Variants in SLC35D1 observed in about 807,000 individuals in gnomAD.
The protein encoded by SLC35D1 is solute carrier family 35 member D1, also known as nucleotide sugar transporter SLC35D1.
SLC35D1 carries 31 observed loss-of-function variants against 46.7 expected under a neutral mutation model. That is an observed-to-expected ratio of 0.66 (90% CI 0.50 to 0.90). The LOEUF is 0.90. SLC35D1 is among the 40% of genes least tolerant of loss of function. The probability of loss-of-function intolerance (pLI) is 0.00; values close to 1 mark genes in which losing one functional copy is unlikely to be tolerated. For missense variants in SLC35D1, 397 were observed against 426.2 expected (o/e 0.93, Z 0.60); for synonymous variants, 195 against 164.6 (o/e 1.18, Z -1.41).
chr1:66,987,828 C>T, the SLC35D1 span: 1 of 152,106 alleles, frequency 6.6e-6, no homozygotes. Flanking sequence ...TTCAGTGGTT[C>T]TTGGTCCCCT....
intron 11 of SLC35D1, among the ~76,000 whole-genome samples, chr1:67,008,191 T>G (rs148693544): frequency 2.6e-5 from 4 of 152,148 alleles, no homozygotes; most frequent in African/African-American, 4.8e-5. Context: ...CAGGCTGGAG[T>G]GCAGCGGCGC....
rs569279392 is a variant in SLC35D1 at position 67,053,930 on chromosome 1, C to G, written c.84G>C (p.Glu28Asp). 5.0e-6 allele frequency: 8 copies of G among 1,613,802 alleles called. No individual in the cohort carries two copies. In the Admixed American group the frequency reaches 1.3e-4, roughly 27 times the overall value. Reference sequence around the variant, plus strand: ...GCGTTTCGGCCGACGCCATCCCCAGCTCCTCCTCATCTCGGAGTGTGGAGG... The same window carrying G: ...GCGTTTCGGCCGACGCCATCCCCAGGTCCTCCTCATCTCGGAGTGTGGAGG... ...AKSSTLRDEEELGMASAETLT... is the reference protein window; with the variant it reads ...AKSSTLRDEEDLGMASAETLT... The change falls in exon 1 of 12, where the codon GAG (glutamate) becomes GAC (aspartate). Residue 28 changes from glutamate to aspartate, a missense_variant. Coordinates refer to ENST00000235345, the MANE Select transcript of SLC35D1 (RefSeq NM_015139.3).
chr1:67,042,202 C>A (rs375942356), intron 8 of SLC35D1, 34 bp downstream of exon 8: 1 of 1,533,314 alleles, frequency 6.5e-7, no homozygotes, highest in Non-Finnish European at 9.0e-7. Flanking sequence ...AGTTCATCAA[C>A]GTAAGCCATT....
At chr1:67,016,447 C>G (rs569499912) in intron 10 of SLC35D1, among the ~76,000 whole-genome samples, 1 of 151,986 alleles carries the variant, frequency 6.6e-6, no homozygotes, top group African/African-American at 2.4e-5. Context: ...GACCATTAGA[C>G]TAGGTAAAAA....
chr1:67,015,695 C>A (rs922679127), intron 10 of SLC35D1, among the ~76,000 whole-genome samples: 1 of 152,046 alleles, frequency 6.6e-6, no homozygotes, highest in African/African-American at 2.4e-5. Flanking sequence ...AGGCAGTTTT[C>A]TCTTTCAAAC....
intron 8 of SLC35D1, among the ~76,000 whole-genome samples, chr1:67,031,484 A>C (rs1244537392): frequency 6.6e-6 from 1 of 152,214 alleles, no homozygotes; most frequent in South Asian, 2.1e-4. Flanking sequence ...AACTTTTCCA[A>C]AATTATCTAG....
At chr1:66,979,744 CTT>C in the SLC35D1 span, among the ~76,000 whole-genome samples, 19 of 150,022 alleles carry the variant, frequency 1.3e-4, no homozygotes, top group South Asian at 1.3e-3. Flanking sequence ...GATATCAACT[CTT>C]GTTTCCTTTG....
At chr1:66,987,724 T>C in the SLC35D1 span, 1 of 146,686 alleles carries the variant, frequency 6.8e-6, no homozygotes, top group Non-Finnish European at 1.5e-5. Flanking sequence ...AAGATTTTAT[T>C]AGAGATTGTT....
intron 8 of SLC35D1, among the ~76,000 whole-genome samples, chr1:67,033,301 C>A (rs930739614): frequency 6.6e-6 from 1 of 152,196 alleles, no homozygotes. Context: ...GAGGAACCTC[C>A]AAACTGTTCT....
intron 8 of SLC35D1, among the ~76,000 whole-genome samples, chr1:67,029,598 G>A (rs1023501902): frequency 6.6e-6 from 1 of 152,150 alleles, no homozygotes; most frequent in Non-Finnish European, 1.5e-5. Context: ...ACTAGTGGCA[G>A]TAGATTAAAC....
At chr1:67,007,250 G>C (rs112347150) in intron 11 of SLC35D1, among the ~76,000 whole-genome samples, 1 of 152,174 alleles carries the variant, frequency 6.6e-6, no homozygotes, top group East Asian at 1.9e-4. Context: ...CTAGAGGCTG[G>C]GGAGTCTAAG....
chr1:66,989,823 C>T, the SLC35D1 span, among the ~76,000 whole-genome samples: 1 of 152,166 alleles, frequency 6.6e-6, no homozygotes, highest in Admixed American at 6.5e-5. Flanking sequence ...CTTCCAGAAA[C>T]AAGATCAGGT....
intron 6 of SLC35D1, among the ~76,000 whole-genome samples, chr1:67,048,761 T>G (rs1030095371): frequency 2.0e-5 from 3 of 152,170 alleles, no homozygotes; most frequent in African/African-American, 7.2e-5. Context: ...TCATTATAAT[T>G]TTCTAGGTCT....
chr1:67,053,723 G>T, intron 1 of SLC35D1, 88 bp downstream of exon 1: 3 of 1,226,384 alleles, frequency 2.4e-6, no homozygotes, highest in Non-Finnish European at 2.1e-6. Context: ...CTTTAACTTT[G>T]GCAGTCAAAG....
the SLC35D1 span, among the ~76,000 whole-genome samples, chr1:66,983,437 A>G: frequency 6.6e-6 from 1 of 152,168 alleles, no homozygotes; most frequent in East Asian, 1.9e-4. Context: ...ATATTTTTCA[A>G]GCAATTAAAT....
At chr1:67,021,689 C>A in intron 8 of SLC35D1, 87 bp from the exon 9 acceptor site, 26 of 590,568 alleles carry the variant, frequency 4.4e-5, no homozygotes, top group East Asian at 2.1e-4. Flanking sequence ...TACGAGTCTG[C>A]CTCCAACACA....
intron 8 of SLC35D1, among the ~76,000 whole-genome samples, chr1:67,040,090 G>A (rs966540531): frequency 2.0e-5 from 3 of 151,816 alleles, no homozygotes; most frequent in Non-Finnish European, 4.4e-5. Context: ...GACCTCCTGG[G>A]CTCAAGCGAT....
chr1:67,013,642 G>C (rs931683687), intron 10 of SLC35D1, among the ~76,000 whole-genome samples: 1 of 151,980 alleles, frequency 6.6e-6, no homozygotes, highest in Non-Finnish European at 1.5e-5. Context: ...AAAGAATCTA[G>C]AGGGCACTTC....
intron 10 of SLC35D1, among the ~76,000 whole-genome samples, chr1:67,018,915 C>A (rs1490084061): frequency 6.6e-6 from 1 of 152,188 alleles, no homozygotes; most frequent in Admixed American, 6.5e-5. Context: ...ATACCCTGCA[C>A]CAGTATGAAG....
Sources: allele counts gnomAD v4.1 joint callset (sites outside exome capture counted in the v4.1 genomes callset), GRCh38; gene constraint gnomAD v4.1.1; transcripts MANE v1.5; gene names NCBI Gene and HGNC (gene_info 2026-07-23, HGNC 2026-07-21).